Variants in SPMAP2 observed in about 807,000 individuals in gnomAD.
SPMAP2 encodes Theg homolog.
At chr19:374,198 G>T in the SPMAP2 span, 1 of 1,554,430 alleles carries the variant, frequency 6.4e-7, no homozygotes, top group African/African-American at 1.4e-5. Context: ...GTGGCAGCTG[G>T]GGGAGGGGAG....
At chr19:364,135 C>G in the SPMAP2 span, among the ~76,000 whole-genome samples, 1 of 150,374 alleles carries the variant, frequency 6.7e-6, no homozygotes, top group Non-Finnish European at 1.5e-5. Context: ...AGATCGAGAC[C>G]ATCCTGGCTC....
chr19:365,817 C>T, the SPMAP2 span, among the ~76,000 whole-genome samples: 1 of 152,176 alleles, frequency 6.6e-6, no homozygotes, highest in African/African-American at 2.4e-5. Flanking sequence ...TAGGTCAGTG[C>T]ACTTCATTTG....
At chr19:371,843 T>C in the SPMAP2 span, among the ~76,000 whole-genome samples, 1 of 152,348 alleles carries the variant, frequency 6.6e-6, no homozygotes, top group Middle Eastern at 3.4e-3. Context: ...CCGCATTTCA[T>C]TGATTCTAAG....
At chr19:371,306 GC>G in the SPMAP2 span, 7 of 1,485,152 alleles carry the variant, frequency 4.7e-6, no homozygotes, top group Non-Finnish European at 5.4e-6. Flanking sequence ...CGAGGAATGG[GC>G]CAGACAGGAG....
At chr19:373,660 G>T in the SPMAP2 span, 1 of 827,622 alleles carries the variant, frequency 1.2e-6, no homozygotes. Context: ...GGGTAGGCCA[G>T]AGAAGGACAG....
chr19:365,506 CGCTCTT>C, the SPMAP2 span, among the ~76,000 whole-genome samples: 2 of 75,666 alleles, frequency 2.6e-5, no homozygotes, highest in Admixed American at 1.1e-4. Context: ...GCCACACACT[CGCTCTT>C]ACCCCCACCA....
the SPMAP2 span, chr19:375,602 C>G: frequency 4.1e-6 from 6 of 1,450,314 alleles, no homozygotes; most frequent in Non-Finnish European, 4.6e-6. Flanking sequence ...GCCCTCCCCC[C>G]ACTGCCAGGG....
chr19:372,433 C>CAAGCAGCCTGCTGGGGATGTGGACTGGG, the SPMAP2 span, among the ~76,000 whole-genome samples: 2 of 152,366 alleles, frequency 1.3e-5, no homozygotes, highest in Non-Finnish European at 2.9e-5. Flanking sequence ...TGCACGGGGC[C>CAAGCAGCCTGCTGGGGATGTGGACTGGG]AAGCAGCCTG....
chr19:368,103 C>A, the SPMAP2 span, among the ~76,000 whole-genome samples: 1 of 152,010 alleles, frequency 6.6e-6, no homozygotes, highest in Non-Finnish European at 1.5e-5. The surrounding 1 kb of genome is among the most constrained non-coding windows in gnomAD (Gnocchi z 4.1). Flanking sequence ...CAGTGGCAGC[C>A]CTTTGGGGGG....
chr19:369,079 CTG>C, the SPMAP2 span, among the ~76,000 whole-genome samples: 1 of 152,156 alleles, frequency 6.6e-6, no homozygotes, highest in South Asian at 2.1e-4. Context: ...ATGTCCTTGT[CTG>C]TTAGAAATTC....
chr19:375,896 C>G, the SPMAP2 span: 1 of 1,532,914 alleles, frequency 6.5e-7, no homozygotes, highest in Non-Finnish European at 8.8e-7. Context: ...GGTCGCCGTC[C>G]TGCTCCCTTT....
chr19:373,834 G>C, the SPMAP2 span: 14 of 1,108,496 alleles, frequency 1.3e-5, no homozygotes, highest in South Asian at 9.4e-5. Flanking sequence ...AGCCCTCCCT[G>C]ATCCTCCTCC....
the SPMAP2 span, among the ~76,000 whole-genome samples, chr19:366,322 AC>A: frequency 6.6e-6 from 1 of 152,004 alleles, no homozygotes; most frequent in African/African-American, 2.4e-5. Flanking sequence ...CGATGTTCAT[AC>A]TCAACGTGTG....
chr19:374,786 C>T, the SPMAP2 span, among the ~76,000 whole-genome samples: 3 of 152,240 alleles, frequency 2.0e-5, no homozygotes, highest in Non-Finnish European at 4.4e-5. Context: ...GTATGCCAGG[C>T]CCCAGAGGGG....
the SPMAP2 span, among the ~76,000 whole-genome samples, chr19:374,925 G>C: frequency 1.3e-5 from 2 of 152,198 alleles, no homozygotes; most frequent in Admixed American, 6.5e-5. Context: ...GCAGCTGCTG[G>C]CTCCCACGTT....
the SPMAP2 span, chr19:375,646 C>T: frequency 9.2e-5 from 141 of 1,536,250 alleles, no homozygotes; most frequent in Middle Eastern, 6.9e-4. Context: ...CAGGCAGGCC[C>T]GTTCCCCGGT....
the SPMAP2 span, chr19:375,946 G>C: frequency 6.9e-7 from 1 of 1,444,114 alleles, no homozygotes; most frequent in Non-Finnish European, 9.1e-7. Flanking sequence ...TGGTTCCCGA[G>C]TGACCTTCGC....
the SPMAP2 span, among the ~76,000 whole-genome samples, chr19:368,838 C>T: frequency 2.6e-5 from 4 of 152,194 alleles, no homozygotes; most frequent in Admixed American, 2.0e-4. This position sits in a 1 kb window ranked among gnomAD's most constrained non-coding sequence, Gnocchi z 4.1. Context: ...ACCAGCCCTG[C>T]GGCTTCCATG....
chr19:362,650 C>T, the SPMAP2 span, among the ~76,000 whole-genome samples: 2 of 151,740 alleles, frequency 1.3e-5, no homozygotes, highest in Non-Finnish European at 2.9e-5. Flanking sequence ...TCTCTAGTCC[C>T]AGCTACTCGG....
Sources: gnomAD v4.1 joint callset for allele counts (sites outside exome capture counted in the v4.1 genomes callset) on GRCh38, gnomAD v4.1.1 for gene constraint, Gnocchi (gnomAD v3.1) non-coding constraint, MANE v1.5 for transcripts, NCBI Gene and HGNC (gene_info 2026-07-23, HGNC 2026-07-21) for gene names.